ANK2: variants seen among roughly 807,000 people sequenced by gnomAD.
The protein encoded by ANK2 is ankyrin 2, also known as ankyrin-2.
A neutral mutation model predicts 360.5 loss-of-function variants in ANK2; 83 were observed. The ratio of observed to expected loss-of-function variants is 0.23; its 90% confidence interval spans 0.19 to 0.28. The LOEUF (loss-of-function observed/expected upper bound fraction) is 0.28, where lower values mean the gene tolerates loss of function less well. Ranked by LOEUF, ANK2 falls within the 10% of genes least tolerant of loss-of-function variation. ANK2 has a pLI of 1.00. For missense variants in ANK2, 4,201 were observed against 4,795.7 expected, an observed-to-expected ratio of 0.88 and a Z score of 3.66; for synonymous variants, 1,740 against 1,759.5, an observed-to-expected ratio of 0.99 and a Z score of 0.28.
intron 2 of ANK2, among the ~76,000 whole-genome samples, chr4:113,035,936 T>C (rs1355498518): frequency 2.0e-5 from 3 of 151,982 alleles, no homozygotes; most frequent in East Asian, 1.9e-4. Flanking sequence ...TAAAACACCA[T>C]AGCATTTGTA....
the ANK2 span, among the ~76,000 whole-genome samples, chr4:112,793,756 A>T: frequency 6.8e-6 from 1 of 147,616 alleles, no homozygotes. Context: ...CCCAGGCTGG[A>T]ATGCAGTGGT....
chr4:112,723,687 TCG>T, the ANK2 span, among the ~76,000 whole-genome samples: 1 of 152,124 alleles, frequency 6.6e-6, no homozygotes, highest in Non-Finnish European at 1.5e-5. Context: ...ATTAGCTGTC[TCG>T]TCAAGGACTT....
Position 113,345,800 on chromosome 4 carries a change from G to A in ANK2, c.4249-100G>A. The A allele has an allele frequency of 3.4e-6, 5 of 1,492,354 alleles. No homozygotes were observed. The South Asian group carries it at 5.7e-5, about 17-fold the overall frequency. The allele number at this position is 1,492,354 out of a possible 1,614,324, so 92.4% of individuals were successfully genotyped here. On this transcript the variant is annotated intron_variant, in intron 34 of 45. Transcript: ENST00000357077. ...AAATCCTTTGAGTTCTTACCTAGCAGTAACAAATGAATTTTACTTTTCCCT... is the reference window on the plus strand; with the variant it reads ...AAATCCTTTGAGTTCTTACCTAGCAATAACAAATGAATTTTACTTTTCCCT...
chr4:112,925,928 G>A (rs954655548), intron 2 of ANK2, among the ~76,000 whole-genome samples: 1 of 152,150 alleles, frequency 6.6e-6, no homozygotes, highest in African/African-American at 2.4e-5. Context: ...AGTAAAGTCA[G>A]GCATTAATAG....
intron 1 of ANK2, among the ~76,000 whole-genome samples, chr4:113,120,027 T>C (rs2095243792): frequency 6.6e-6 from 1 of 152,160 alleles, no homozygotes; most frequent in Non-Finnish European, 1.5e-5. Flanking sequence ...TAAAACAATA[T>C]ATACTAAGAG....
At chr4:113,131,911 A>G (rs1437859598) in intron 1 of ANK2, among the ~76,000 whole-genome samples, 2 of 152,242 alleles carry the variant, frequency 1.3e-5, no homozygotes, top group African/African-American at 4.8e-5. Flanking sequence ...AGTGAAATGT[A>G]TAGACAAAAG....
chr4:112,967,589 T>C (rs1346265831), intron 2 of ANK2, among the ~76,000 whole-genome samples: 1 of 152,234 alleles, frequency 6.6e-6, no homozygotes, highest in Non-Finnish European at 1.5e-5. Context: ...TTTCCAAAGG[T>C]GTGAAAACAA....
chr4:113,367,593 G>A lies in ANK2; in HGVS notation c.11060G>A (p.Cys3687Tyr), dbSNP rs143803967. 1.9e-6 allele frequency: 3 copies of A among 1,613,646 alleles called. No individual in the cohort carries two copies. Among genetic ancestry groups the A allele is most frequent in the Non-Finnish European group, 2.5e-6 (3 of 1,179,950 alleles). The change falls in exon 42 of 46, where the codon TGC becomes TAC. Residue 3687 changes from cysteine to tyrosine, a missense_variant. This residue lies in a region of ANK2 where 2,642 missense variants were observed against 2,714.5 expected (regional missense o/e 0.97). Transcript: ENST00000357077. The stretch of plus-strand genomic sequence containing the variant: ...TTCTCGGTACTTCAAGAGGAGTTAT[G>A]CACTGCACAGCACAAGCAGAAAGAG... ...EGFSVLQEEL[C>Y]TAQHKQKEEQ...
chr4:112,947,042 T>C (rs1466544404), intron 2 of ANK2, among the ~76,000 whole-genome samples: 1 of 152,186 alleles, frequency 6.6e-6, no homozygotes, highest in Non-Finnish European at 1.5e-5. Context: ...ATCAGTATGA[T>C]TTTCTCTTGC....
At chr4:113,325,757 G>T (rs2089443846) in intron 26 of ANK2, among the ~76,000 whole-genome samples, 1 of 152,038 alleles carries the variant, frequency 6.6e-6, no homozygotes, top group Non-Finnish European at 1.5e-5. Flanking sequence ...TAAGTGTAGA[G>T]AAAGGAAGAT....
chr4:113,317,626 CT>C (rs775876200), intron 24 of ANK2, 80 bp from the exon 25 acceptor site: 18 of 1,088,070 alleles, frequency 1.7e-5, no homozygotes, highest in Non-Finnish European at 2.5e-5. Context: ...TTTTTTCACT[CT>C]CCTGCTCGGC....
At chr4:112,718,923 CACCGCACCCGG>C in the ANK2 span, among the ~76,000 whole-genome samples, 2 of 69,056 alleles carry the variant, frequency 2.9e-5, no homozygotes, top group African/African-American at 1.5e-4. Context: ...AGGCATGAGC[CACCGCACCCGG>C]TCGCATGAGC....
chr4:112,712,221 A>G, the ANK2 span, among the ~76,000 whole-genome samples: 3 of 149,720 alleles, frequency 2.0e-5, no homozygotes, highest in Non-Finnish European at 3.0e-5. Context: ...CTGGGACTAC[A>G]GGCATGTGCC....
chr4:113,355,923 C>A lies in ANK2; in HGVS notation c.7305C>A (p.Asp2435Glu). ...ACTCATTAGCAGTGAGCCACAAAGACTCTCTGGAAGCCAGCCCTGTGCTAG... is the reference window on the plus strand; with the variant it reads ...ACTCATTAGCAGTGAGCCACAAAGAATCTCTGGAAGCCAGCCCTGTGCTAG... ...ADDSLAVSHKDSLEASPVLED... is the reference protein window; with the variant it reads ...ADDSLAVSHKESLEASPVLED... The change falls in exon 38 of 46, where the codon GAC (aspartate) becomes GAA (glutamate). Residue 2435 changes from aspartate to glutamate, a missense_variant. Asp to Glu is a conservative substitution (Grantham distance 45, BLOSUM62 2). This residue lies in a region of ANK2 where 2,642 missense variants were observed against 2,714.5 expected (regional missense o/e 0.97). Coordinates refer to ENST00000357077, the MANE Select transcript of ANK2 (RefSeq NM_001148.6). 1 of 1,614,098 alleles carries A rather than the reference C, an allele frequency of 6.2e-7. No homozygotes were observed. Among genetic ancestry groups the A allele is most frequent in the Non-Finnish European group, 8.5e-7 (1 of 1,179,984 alleles).
intron 2 of ANK2, among the ~76,000 whole-genome samples, chr4:112,936,914 A>G (rs2093782178): frequency 6.6e-6 from 1 of 152,116 alleles, no homozygotes; most frequent in African/African-American, 2.4e-5. Context: ...CGGCCTCCCA[A>G]GAAGTTGGGA....
chr4:113,274,314 G>T lies in ANK2; in HGVS notation c.1486-138G>T. 6.3e-6 allele frequency: 6 copies of T among 953,648 alleles called. No individual in the cohort carries two copies. The South Asian group carries it at 8.3e-5, about 13-fold the overall frequency. 59.1% of individuals were successfully genotyped at this position (953,648 alleles called of 1,614,324 possible). ...TGTAGCAAAATATAAAATATGCCAT[G>T]GTTAAAGCAGTAATGATTTTCTTTT... On this transcript the variant is annotated intron_variant, in intron 14 of 45. Coordinates refer to ENST00000357077, the MANE Select transcript of ANK2 (RefSeq NM_001148.6).
intron 26 of ANK2, among the ~76,000 whole-genome samples, chr4:113,328,869 A>G (rs554234030): frequency 1.2e-4 from 19 of 152,336 alleles, no homozygotes; most frequent in African/African-American, 4.6e-4. Context: ...ATTTTTCTTC[A>G]TTTATCTAAA....
At chr4:112,777,154 C>CAGCT in the ANK2 span, among the ~76,000 whole-genome samples, 1 of 152,162 alleles carries the variant, frequency 6.6e-6, no homozygotes, top group Admixed American at 6.5e-5. Flanking sequence ...GGGTGAGCTA[C>CAGCT]AGCTGATGGG....
intron 14 of ANK2, among the ~76,000 whole-genome samples, chr4:113,265,229 T>A (rs1004471098): frequency 1.3e-5 from 2 of 152,174 alleles, no homozygotes; most frequent in Admixed American, 1.3e-4. Context: ...GTAAAACTTA[T>A]CATCTAAGAA....
Sources: allele counts gnomAD v4.1 joint callset (sites outside exome capture counted in the v4.1 genomes callset), GRCh38; gene constraint gnomAD v4.1.1; regional missense constraint gnomAD v4.1.1; transcripts MANE v1.5; gene names NCBI Gene and HGNC (gene_info 2026-07-23, HGNC 2026-07-21).